DTNB: variants seen among roughly 807,000 people sequenced by gnomAD.
DTNB encodes the protein DTN-B.
DTNB carries 63 observed loss-of-function variants against 90.7 expected under a neutral mutation model. That is an observed-to-expected ratio of 0.69 (90% confidence interval 0.57 to 0.86). The LOEUF (loss-of-function observed/expected upper bound fraction) is 0.86. Among genes scored for constraint, DTNB ranks in the 40% least tolerant of loss-of-function variants. The pLI is 0.00. For missense variants in DTNB, 744 were observed against 807.1 expected, an observed-to-expected ratio of 0.92 and a Z score of 0.95; for synonymous variants, 277 against 286.7, an observed-to-expected ratio of 0.97 and a Z score of 0.34.
At chr2:25,395,883 T>C (rs2042236302) in intron 16 of DTNB, among the ~76,000 whole-genome samples, 1 of 152,142 alleles carries the variant, frequency 6.6e-6, no homozygotes, top group Non-Finnish European at 1.5e-5. Flanking sequence ...TATGGAATAT[T>C]ATAAAAGGAT....
chr2:25,654,823 C>A (rs1051009628), intron 1 of DTNB, among the ~76,000 whole-genome samples: 2 of 152,174 alleles, frequency 1.3e-5, no homozygotes, highest in Non-Finnish European at 2.9e-5. Flanking sequence ...TTCTGAATCT[C>A]GGATTCATCA....
intron 8 of DTNB, among the ~76,000 whole-genome samples, chr2:25,537,831 G>C (rs1205555185): frequency 6.6e-6 from 1 of 152,172 alleles, no homozygotes; most frequent in African/African-American, 2.4e-5. Flanking sequence ...AGGGAGCGAG[G>C]ACAGAAGAAG....
At chr2:25,618,980 C>G (rs894765474) in intron 4 of DTNB, among the ~76,000 whole-genome samples, 1 of 152,164 alleles carries the variant, frequency 6.6e-6, no homozygotes, top group Non-Finnish European at 1.5e-5. Flanking sequence ...CATGCAGGTA[C>G]CTTCTGAAGC....
intron 16 of DTNB, among the ~76,000 whole-genome samples, chr2:25,403,719 G>A (rs1005658438): frequency 2.0e-5 from 3 of 152,194 alleles, no homozygotes; most frequent in Admixed American, 6.5e-5. Flanking sequence ...ATTCAACAAT[G>A]ACACTCTGCA....
At chr2:25,586,757 C>T (rs1393714297) in intron 6 of DTNB, among the ~76,000 whole-genome samples, 2 of 151,912 alleles carry the variant, frequency 1.3e-5, no homozygotes, top group Non-Finnish European at 2.9e-5. Context: ...AATCTGAAGC[C>T]TTTTTTGGAG....
intron 10 of DTNB, among the ~76,000 whole-genome samples, chr2:25,479,248 A>G (rs1466303042): frequency 6.6e-6 from 1 of 152,218 alleles, no homozygotes; most frequent in Non-Finnish European, 1.5e-5. Flanking sequence ...AATAAAAAAA[A>G]TTAGCATCAT....
intron 9 of DTNB, 32 bp downstream of exon 9, chr2:25,531,441 T>C (rs371537002): frequency 4.5e-5 from 71 of 1,595,334 alleles, no homozygotes; most frequent in Middle Eastern, 1.7e-4. Flanking sequence ...CATTTCAGTG[T>C]GATCCACATG....
intron 1 of DTNB, among the ~76,000 whole-genome samples, chr2:25,669,042 A>G (rs1234707844): frequency 6.6e-6 from 1 of 152,232 alleles, no homozygotes; most frequent in African/African-American, 2.4e-5. Flanking sequence ...TATTGTAATG[A>G]TTCCATTCAT....
chr2:25,528,852 T>C (rs1010115342), intron 9 of DTNB, among the ~76,000 whole-genome samples: 3 of 152,210 alleles, frequency 2.0e-5, no homozygotes, highest in African/African-American at 7.2e-5. Context: ...TATAAAGACT[T>C]TCCTGGGGAA....
chr2:25,379,200 G>T, intron 20 of DTNB, 90 bp downstream of exon 20: 1 of 1,237,224 alleles, frequency 8.1e-7, no homozygotes, highest in East Asian at 3.1e-5. Context: ...GCCCTGGCTA[G>T]GGACCTGTGA....
intron 16 of DTNB, among the ~76,000 whole-genome samples, chr2:25,411,776 A>G (rs1205623533): frequency 6.6e-6 from 1 of 152,204 alleles, no homozygotes; most frequent in Non-Finnish European, 1.5e-5. Context: ...GTATTTGTGT[A>G]CGATTTCTCT....
chr2:25,511,230 C>A (rs1030374064), intron 9 of DTNB, among the ~76,000 whole-genome samples: 1 of 152,136 alleles, frequency 6.6e-6, no homozygotes, highest in African/African-American at 2.4e-5. Flanking sequence ...TGTTCAGCAT[C>A]GTACCATTTA....
Position 25,554,375 on chromosome 2 carries a change from AT to A in DTNB, c.876+22462del, listed in dbSNP as rs970107419. ...GTTTTAACCAGCAGTTCATAGTCTC[AT>A]TTTTTTTTTCAAAAAATTTATTGAG... On this transcript the variant is annotated intron_variant, in intron 8 of 20. Transcript: ENST00000406818. 2.1e-3 allele frequency among the ~76,000 whole-genome samples: 309 copies of A among 148,486 alleles called. 1 individual carries two copies. The highest frequency in any genetic ancestry group is 6.6e-3 in the African/African-American group (267 of 40,490).
chr2:25,407,843 G>C (rs958779093), intron 16 of DTNB, among the ~76,000 whole-genome samples: 2 of 152,058 alleles, frequency 1.3e-5, no homozygotes, highest in African/African-American at 4.8e-5. Context: ...TTGGGTGACG[G>C]GTGCACCAAA....
At chr2:25,385,426 A>C (rs1312554993) in intron 18 of DTNB, among the ~76,000 whole-genome samples, 1 of 152,216 alleles carries the variant, frequency 6.6e-6, no homozygotes, top group East Asian at 1.9e-4. Context: ...AAGGGAGTTT[A>C]TGTCTGCATG....
intron 16 of DTNB, among the ~76,000 whole-genome samples, chr2:25,405,261 C>T (rs185414613): frequency 1.1e-3 from 163 of 152,202 alleles, no homozygotes; most frequent in Non-Finnish European, 1.8e-3. Flanking sequence ...AATGTTCTGG[C>T]GGGGTGTGGT....
At chr2:25,511,224 C>T (rs1396097972) in intron 9 of DTNB, among the ~76,000 whole-genome samples, 1 of 152,150 alleles carries the variant, frequency 6.6e-6, no homozygotes, top group African/African-American at 2.4e-5. Context: ...TTCTTTTGTT[C>T]AGCATCGTAC....
rs561195829 is a variant in DTNB, at chr2:25,535,571, G to C, written c.877-3974C>G. Among the ~76,000 whole-genome samples the C allele has an allele frequency of 2.1e-3, 312 of 145,526 alleles. 6 individuals are homozygous for C. The highest frequency in any genetic ancestry group is 7.8e-3 in the African/African-American group (298 of 38,418). On this transcript the variant is annotated intron_variant, in intron 8 of 20. Transcript: ENST00000406818. ...GGCGCTCCTCACATCCCAGACGATGGGCGGCCACGCAGAGATGCTCCTCAC... is the reference window on the plus strand; with the variant it reads ...GGCGCTCCTCACATCCCAGACGATGCGCGGCCACGCAGAGATGCTCCTCAC...
intron 12 of DTNB, among the ~76,000 whole-genome samples, chr2:25,443,847 A>G (rs1022307216): frequency 1.3e-5 from 2 of 152,184 alleles, no homozygotes; most frequent in Non-Finnish European, 2.9e-5. Flanking sequence ...TGATTACAAC[A>G]TGTAGGGAGG....
Sources: allele counts gnomAD v4.1 joint callset (sites outside exome capture counted in the v4.1 genomes callset), GRCh38; gene constraint gnomAD v4.1.1; transcripts MANE v1.5; gene names NCBI Gene and HGNC (gene_info 2026-07-23, HGNC 2026-07-21).